The following STXBP5 variants were observed in gnomAD, a reference collection of about 807,000 sequenced individuals.
STXBP5 encodes syntaxin binding protein 5, also known as syntaxin-binding protein 5.
Under a neutral mutation model 152.4 loss-of-function variants are expected in STXBP5, and 50 were observed. The ratio of observed to expected loss-of-function variants is 0.33; its 90% CI spans 0.26 to 0.42. The LOEUF (loss-of-function observed/expected upper bound fraction) is 0.42. Among genes scored for constraint, STXBP5 ranks in the 10% least tolerant of loss-of-function variants. The pLI is 1.00. For missense variants in STXBP5, 1,167 were observed against 1,388.6 expected (o/e 0.84, Z 2.54); for synonymous variants, 492 against 494.7 (o/e 0.99, Z 0.07).
intron 2 of STXBP5, among the ~76,000 whole-genome samples, chr6:147,213,561 G>A (rs1022310547): frequency 2.0e-5 from 3 of 151,028 alleles, no homozygotes; most frequent in Non-Finnish European, 4.4e-5. Flanking sequence ...GCTGAGGCTG[G>A]TCCCCTGGGC....
At chr6:147,324,148 GCA>G (rs150900221) in intron 16 of STXBP5, among the ~76,000 whole-genome samples, 9 of 150,634 alleles carry the variant, frequency 6.0e-5, no homozygotes, top group Admixed American at 1.3e-4. Flanking sequence ...GAAAGTAGGT[GCA>G]CACACACACA....
At position 147,313,958 on chromosome 6, in the gene STXBP5, A is replaced by T; in HGVS notation, c.1220A>T (p.Asp407Val). Residue 407 changes from aspartate to valine, a missense_variant, in exon 12 of 28, where the codon GAT (aspartate) becomes GTT (valine). This residue lies in a region of STXBP5 where 833 missense variants were observed against 986.3 expected (regional missense o/e 0.84). Coordinates refer to ENST00000321680, the MANE Select transcript of STXBP5 (RefSeq NM_001127715.4). ...SPVTCCEYFA[D>V]CPVDLIPALY... is the part of the protein sequence containing the mutation. Reference sequence around the variant, plus strand: ...GTTACATGTTGCGAATATTTTGCGGATTGTCCTGTGGACCTTATTCCTGCA... The same window carrying T: ...GTTACATGTTGCGAATATTTTGCGGTTTGTCCTGTGGACCTTATTCCTGCA... 6.2e-7 allele frequency: 1 copy of T among 1,604,824 alleles called. No individual in the cohort carries two copies. The highest frequency in any genetic ancestry group is 8.5e-7 in the Non-Finnish European group (1 of 1,173,796).
At chr6:147,241,450 C>A (rs1778537639) in intron 4 of STXBP5, among the ~76,000 whole-genome samples, 1 of 152,152 alleles carries the variant, frequency 6.6e-6, no homozygotes, top group African/African-American at 2.4e-5. Context: ...TTTATCCATA[C>A]CCCTGTCAGC....
At chr6:147,213,645 G>A (rs188216202) in intron 2 of STXBP5, among the ~76,000 whole-genome samples, 2 of 152,088 alleles carry the variant, frequency 1.3e-5, no homozygotes, top group Non-Finnish European at 2.9e-5. Context: ...GATATCAGTA[G>A]TGTAGCAGTA....
chr6:147,361,844 C>A (rs750780702), intron 23 of STXBP5, among the ~76,000 whole-genome samples: 37 of 152,176 alleles, frequency 2.4e-4, no homozygotes, highest in Non-Finnish European at 4.9e-4. Flanking sequence ...AATAAGAGAT[C>A]TTGAAAGAAA....
chr6:147,369,677 A>G (rs1350011742), intron 25 of STXBP5, among the ~76,000 whole-genome samples: 2 of 152,182 alleles, frequency 1.3e-5, no homozygotes, highest in East Asian at 3.9e-4. Context: ...CTCACCATGA[A>G]AAGATTCTCA....
At position 147,364,919 on chromosome 6, in the gene STXBP5, A is replaced by T. The variant is rs1785226749; in HGVS notation, c.3081+753A>T. Among the ~76,000 whole-genome samples, 3 of 152,106 alleles carry T rather than the reference A, an allele frequency of 2.0e-5. No homozygotes were observed. The South Asian group carries it at 6.2e-4, about 31-fold the overall frequency. ...TTATTATTTTTAGAACATGAGCTTT[A>T]GAGTCAAGAAGGCTGAATTCAAGTC... On this transcript the variant is annotated intron_variant, in intron 25 of 27. Coordinates refer to ENST00000321680, the MANE Select transcript of STXBP5 (RefSeq NM_001127715.4).
At chr6:147,292,590 G>A in intron 9 of STXBP5, 1 of 151,252 alleles carries the variant, frequency 6.6e-6, no homozygotes, top group Non-Finnish European at 1.5e-5. Context: ...CTATGGCAAA[G>A]GAATTAAAAT....
chr6:147,294,690 A>G (rs1781434058), intron 9 of STXBP5, among the ~76,000 whole-genome samples: 1 of 152,214 alleles, frequency 6.6e-6, no homozygotes, highest in Non-Finnish European at 1.5e-5. Context: ...ATGTCAAAAA[A>G]AATTTTTAGA....
intron 2 of STXBP5, among the ~76,000 whole-genome samples, chr6:147,209,979 G>T (rs1260400358): frequency 6.6e-6 from 1 of 152,194 alleles, no homozygotes; most frequent in African/African-American, 2.4e-5. Flanking sequence ...ATGATATTCA[G>T]TTAGGAATCA....
At chr6:147,318,489 T>C (rs1276793269) in intron 16 of STXBP5, among the ~76,000 whole-genome samples, 3 of 152,176 alleles carry the variant, frequency 2.0e-5, no homozygotes, top group African/African-American at 7.2e-5. Context: ...GTTCTGCAAT[T>C]ATGAGTTTTC....
chr6:147,243,571 CTATT>C (rs1778653731), intron 4 of STXBP5, among the ~76,000 whole-genome samples: 2 of 152,002 alleles, frequency 1.3e-5, no homozygotes, highest in Non-Finnish European at 2.9e-5. Context: ...CAGATATTTC[CTATT>C]TAATTAAGTT....
intron 7 of STXBP5, among the ~76,000 whole-genome samples, chr6:147,268,614 G>C (rs1187105036): frequency 1.3e-5 from 2 of 152,148 alleles, no homozygotes; most frequent in African/African-American, 4.8e-5. Flanking sequence ...AATAAATACA[G>C]TTCCTATCAT....
chr6:147,350,992 C>T (rs906503513), intron 21 of STXBP5, among the ~76,000 whole-genome samples: 2 of 152,160 alleles, frequency 1.3e-5, no homozygotes, highest in Admixed American at 1.3e-4. Context: ...CCTGTCCTAA[C>T]CACTATACTT....
chr6:147,294,951 T>C (rs537794344), intron 9 of STXBP5, among the ~76,000 whole-genome samples: 1 of 152,318 alleles, frequency 6.6e-6, no homozygotes, highest in African/African-American at 2.4e-5. Flanking sequence ...TAATTGGTGA[T>C]TTGGATTATT....
At chr6:147,214,926 C>T (rs1777082909) in intron 2 of STXBP5, among the ~76,000 whole-genome samples, 2 of 152,106 alleles carry the variant, frequency 1.3e-5, no homozygotes, top group Non-Finnish European at 1.5e-5. Flanking sequence ...CCTAAATGAT[C>T]AACTTTATGT....
chr6:147,249,160 A>G (rs559646207), intron 4 of STXBP5, among the ~76,000 whole-genome samples: 1 of 152,210 alleles, frequency 6.6e-6, no homozygotes, highest in Admixed American at 6.5e-5. Context: ...TTGAGCAGAG[A>G]CCCTATTAAG....
At chr6:147,359,706 T>G (rs369348531) in intron 23 of STXBP5, among the ~76,000 whole-genome samples, 1 of 149,708 alleles carries the variant, frequency 6.7e-6, no homozygotes, top group East Asian at 2.0e-4. Context: ...TGAGAATATG[T>G]GGTGTTTGGT....
In STXBP5 at chr6:147,235,475, T is replaced by C. The variant is rs555825174; in HGVS notation, c.330+144T>C. The C allele has an allele frequency of 2.1e-5, 14 of 661,278 alleles. No individual in the cohort carries two copies. In the African/African-American group the frequency reaches 2.2e-4, roughly 10 times the overall value. The allele number at this position is 661,278 out of a possible 1,614,324, so 41.0% of individuals were successfully genotyped here. On this transcript the variant is annotated intron_variant, in intron 3 of 27. Coordinates refer to ENST00000321680, the MANE Select transcript of STXBP5 (RefSeq NM_001127715.4). The stretch of plus-strand genomic sequence containing the variant: ...ATGGATCAGAAATAGTAGTAATTCG[T>C]TTTAAGGTACCGTCATGGACAGTTA...
Sources: allele counts gnomAD v4.1 joint callset (sites outside exome capture counted in the v4.1 genomes callset), GRCh38; gene constraint gnomAD v4.1.1; regional missense constraint gnomAD v4.1.1; transcripts MANE v1.5; gene names NCBI Gene and HGNC (gene_info 2026-07-23, HGNC 2026-07-21).